Variants in BFSP1 observed in about 807,000 individuals in gnomAD.
BFSP1 encodes beaded filament structural protein 1, also known as filensin.
A neutral mutation model predicts 43.9 loss-of-function variants in BFSP1; 38 were observed. The ratio of observed to expected loss-of-function variants is 0.87; its 90% CI spans 0.67 to 1.14. The LOEUF is 1.14. BFSP1 is among the 50% of genes most tolerant of loss of function. BFSP1 has a pLI of 0.00. For synonymous variants in BFSP1, 352 were observed against 354.8 expected (o/e 0.99, Z 0.09); for missense variants, 850 against 875.1 (o/e 0.97, Z 0.36).
intron 1 of BFSP1, among the ~76,000 whole-genome samples, chr20:17,544,334 C>T (rs1378422086): frequency 6.6e-6 from 1 of 152,174 alleles, no homozygotes; most frequent in Admixed American, 6.5e-5. Flanking sequence ...CCCCAACTCC[C>T]AATTGTGCAG....
upstream of BFSP1, among the ~76,000 whole-genome samples, chr20:17,561,014 G>T (rs1238131742): frequency 2.0e-5 from 3 of 152,094 alleles, no homozygotes; most frequent in Non-Finnish European, 4.4e-5. Context: ...GAAATTTCTA[G>T]TCTCTTCATT....
upstream of BFSP1, among the ~76,000 whole-genome samples, chr20:17,536,187 G>C (rs1481413790): frequency 6.6e-6 from 1 of 152,206 alleles, no homozygotes; most frequent in Admixed American, 6.5e-5. Flanking sequence ...GGTAATTTTA[G>C]CAGTACAAAA....
chr20:17,524,113 T>C (rs1472225344), intron 2 of BFSP1, among the ~76,000 whole-genome samples: 1 of 152,172 alleles, frequency 6.6e-6, no homozygotes, highest in Non-Finnish European at 1.5e-5. Context: ...TGCTCTGACA[T>C]TGGAGCTCAA....
chr20:17,557,312 T>C (rs2035008419), intron 1 of BFSP1, among the ~76,000 whole-genome samples: 2 of 152,212 alleles, frequency 1.3e-5, no homozygotes, highest in Non-Finnish European at 2.9e-5. Flanking sequence ...TCCCAGCAGC[T>C]GGGTCAAAGG....
intron 5 of BFSP1, chr20:17,506,750 C>G (rs573098834): frequency 1.1e-4 from 16 of 152,232 alleles, no homozygotes; most frequent in African/African-American, 3.9e-4. Context: ...GTCTCAAATT[C>G]CTGGACTCGA....
chr20:17,517,472 C>T (rs964282163), intron 2 of BFSP1, among the ~76,000 whole-genome samples: 2 of 152,110 alleles, frequency 1.3e-5, no homozygotes, highest in African/African-American at 2.4e-5. Flanking sequence ...TTGGTAGAAA[C>T]GGGGTCTCAC....
intron 4 of BFSP1, among the ~76,000 whole-genome samples, chr20:17,511,305 C>G (rs899757521): frequency 2.0e-5 from 3 of 152,210 alleles, no homozygotes; most frequent in Admixed American, 6.5e-5. Flanking sequence ...TCCTTTCCCA[C>G]TAGTTTCAAT....
At chr20:17,530,197 G>A (rs551934596) in intron 1 of BFSP1, among the ~76,000 whole-genome samples, 2 of 152,268 alleles carry the variant, frequency 1.3e-5, no homozygotes, top group Admixed American at 6.5e-5. Context: ...TGAGTATCAA[G>A]ACACTAGAGG....
At chr20:17,522,918 A>G (rs963457827) in intron 2 of BFSP1, among the ~76,000 whole-genome samples, 1 of 151,848 alleles carries the variant, frequency 6.6e-6, no homozygotes, top group African/African-American at 2.4e-5. Flanking sequence ...CACAGGCTAC[A>G]CTCCTCGCTG....
intron 1 of BFSP1, among the ~76,000 whole-genome samples, chr20:17,551,494 T>C (rs2034895247): frequency 6.6e-6 from 1 of 152,176 alleles, no homozygotes; most frequent in Non-Finnish European, 1.5e-5. Flanking sequence ...CAACTTGAAA[T>C]TTAGAGGTGA....
At position 17,531,240 on chromosome 20, in the gene BFSP1, C is replaced by A. The variant is rs1157932417; in HGVS notation, c.90G>T (p.Pro30=). ...TTGCCCCAGCCCAGCCCTCGTCGGC[C>A]GGGCGCTCGGGCTCGGCGGCGCGCG... ...EASRAAEPER[P]ADEGWAGATS... Residue 30 remains proline (P), a synonymous_variant, in exon 1 of 8, where the codon CCG becomes CCT. Transcript: ENST00000377873. 2.1e-6 allele frequency: 3 copies of A among 1,407,462 alleles called. No individual in the cohort carries two copies. Among genetic ancestry groups the A allele is most frequent in the East Asian group, 3.0e-5 (1 of 32,984 alleles). 87.2% of individuals were successfully genotyped at this position (1,407,462 alleles called of 1,614,324 possible).
chr20:17,544,096 C>G (rs1168144785), intron 1 of BFSP1, among the ~76,000 whole-genome samples: 1 of 152,140 alleles, frequency 6.6e-6, no homozygotes, highest in East Asian at 1.9e-4. Context: ...TGGACATGAT[C>G]CCAGGACACC....
chr20:17,562,583 A>G (rs1449196391), upstream of BFSP1, among the ~76,000 whole-genome samples: 1 of 149,142 alleles, frequency 6.7e-6, no homozygotes, highest in Non-Finnish European at 1.5e-5. Flanking sequence ...ATGGCCTAAG[A>G]GGGACTAAGA....
chr20:17,522,509 C>T (rs1463230823), intron 2 of BFSP1, among the ~76,000 whole-genome samples: 3 of 152,178 alleles, frequency 2.0e-5, no homozygotes, highest in Admixed American at 1.3e-4. Flanking sequence ...CTCATTCTTA[C>T]GTAGGTTTAT....
At chr20:17,567,738 G>A (rs904222220) in intron 1 of BFSP1, among the ~76,000 whole-genome samples, 5 of 152,044 alleles carry the variant, frequency 3.3e-5, no homozygotes, top group African/African-American at 1.2e-4. Context: ...GCGCATGCCT[G>A]TAATCCCAGC....
intron 1 of BFSP1, among the ~76,000 whole-genome samples, chr20:17,551,432 C>T (rs531472950): frequency 2.4e-4 from 36 of 152,266 alleles, no homozygotes; most frequent in African/African-American, 7.9e-4. Context: ...TCCACACCCA[C>T]GATCCAATCA....
intron 2 of BFSP1, among the ~76,000 whole-genome samples, chr20:17,518,820 C>A (rs1420968861): frequency 6.6e-6 from 1 of 152,200 alleles, no homozygotes; most frequent in Non-Finnish European, 1.5e-5. Flanking sequence ...ATCAGTTCAT[C>A]CCTGCATCCC....
chr20:17,551,678 C>T (rs2034897513), intron 1 of BFSP1, among the ~76,000 whole-genome samples: 1 of 152,004 alleles, frequency 6.6e-6, no homozygotes, highest in East Asian at 1.9e-4. Flanking sequence ...CCTTGGGATA[C>T]AGAAGTGAAA....
At chr20:17,561,805 ATAT>A (rs2035069240), upstream of BFSP1, among the ~76,000 whole-genome samples, 1 of 152,138 alleles carries the variant, frequency 6.6e-6, no homozygotes, top group South Asian at 2.1e-4. Flanking sequence ...CTTTCTTGAA[ATAT>A]TTAATTTATT....
Sources: allele counts gnomAD v4.1 joint callset (sites outside exome capture counted in the v4.1 genomes callset), GRCh38; gene constraint gnomAD v4.1.1; transcripts MANE v1.5; gene names NCBI Gene and HGNC (gene_info 2026-07-23, HGNC 2026-07-21).